The following DLGAP1 variants were observed in gnomAD, a reference collection of about 807,000 sequenced individuals.
The protein encoded by DLGAP1 is DLG associated protein 1.
In DLGAP1, 11 loss-of-function variants were observed where a neutral mutation model predicts 90.8. The observed-to-expected ratio is 0.12, with a 90% confidence interval of 0.08 to 0.20. The LOEUF (loss-of-function observed/expected upper bound fraction) is 0.20. Among genes scored for constraint, DLGAP1 ranks in the 10% least tolerant of loss-of-function variants. The pLI is 1.00. For synonymous variants in DLGAP1, 558 were observed against 540.7 expected (o/e 1.03, Z -0.44); for missense variants, 1,050 against 1,333.8 (o/e 0.79, Z 3.31).
intron 1 of DLGAP1, among the ~76,000 whole-genome samples, chr18:4,353,062 C>A (rs112022528): frequency 6.6e-6 from 1 of 152,146 alleles, no homozygotes. Flanking sequence ...GGGCAACAAC[C>A]CTGGCTCAGC....
chr18:3,788,218 G>C (rs958273410), intron 5 of DLGAP1, among the ~76,000 whole-genome samples: 3 of 152,234 alleles, frequency 2.0e-5, no homozygotes, highest in African/African-American at 7.2e-5. Flanking sequence ...AGTTGGACTA[G>C]TTATAATTCC....
intron 7 of DLGAP1, chr18:3,597,779 A>C: frequency 6.4e-6 from 1 of 157,406 alleles, no homozygotes. Context: ...AAATGCATCC[A>C]CCGTTCCTTC....
chr18:3,800,547 T>C (rs2066239881), intron 5 of DLGAP1, among the ~76,000 whole-genome samples: 1 of 152,224 alleles, frequency 6.6e-6, no homozygotes, highest in Admixed American at 6.5e-5. Flanking sequence ...ACAGTATGTA[T>C]AAAGAAAGTT....
At position 3,879,523 on chromosome 18, in the gene DLGAP1, G is replaced by A; in HGVS notation, c.546C>T (p.Ser182=). The A allele has an allele frequency of 6.2e-7, 1 of 1,602,084 alleles. No individual in the cohort carries two copies. The highest frequency in any genetic ancestry group is 8.5e-7 in the Non-Finnish European group (1 of 1,179,256). Residue 182 remains serine, a synonymous_variant, in exon 4 of 13, where the codon AGC becomes AGT. Transcript: ENST00000315677. This position sits in a 1 kb window ranked among gnomAD's most constrained non-coding sequence, Gnocchi z 6.6. ...GCTCCGCGCGCCGCTCCTTGCTCTT[G>A]CTGCGTTTGCCATAGCGCGCCGCCT... The part of the protein sequence containing the change: ...EAQAARYGKR[S]KSKERRAEPK...
chr18:3,737,895 C>G (rs2062725299), intron 6 of DLGAP1, among the ~76,000 whole-genome samples: 1 of 150,278 alleles, frequency 6.7e-6, no homozygotes, highest in African/African-American at 2.5e-5. Flanking sequence ...AGCCCAAAAT[C>G]TCCTTAAGCT....
rs2062211644 is a variant in DLGAP1, at chr18:3,727,100, T to C, written c.1591+2035A>G. Among the ~76,000 whole-genome samples, 1 of 152,246 alleles carries C rather than the reference T, an allele frequency of 6.6e-6. No homozygotes were observed. The highest frequency in any genetic ancestry group is 1.5e-5 in the Non-Finnish European group (1 of 68,044). On this transcript the variant is annotated intron_variant, in intron 7 of 12. Transcript: ENST00000315677. The surrounding 1 kb of genome is among the most constrained non-coding windows in gnomAD (Gnocchi z 4.7). Reference sequence around the variant, plus strand: ...ACTACAAACATGACAAATAGTTCTGTAGTATAAGTGTTTCTCATGCAATAT... The same window carrying C: ...ACTACAAACATGACAAATAGTTCTGCAGTATAAGTGTTTCTCATGCAATAT...
intron 7 of DLGAP1, among the ~76,000 whole-genome samples, chr18:3,615,946 A>G (rs1378931282): frequency 1.3e-5 from 2 of 152,178 alleles, no homozygotes; most frequent in African/African-American, 2.4e-5. Flanking sequence ...CTTAACTCCG[A>G]GGGATATTTA....
intron 1 of DLGAP1, among the ~76,000 whole-genome samples, chr18:4,258,252 C>CATGAACAAAAGCCCTGCATGATCTTA (rs2078936361): frequency 6.6e-6 from 1 of 152,082 alleles, no homozygotes; most frequent in African/African-American, 2.4e-5. Flanking sequence ...TTGTGTTGCT[C>CATGAACAAAAGCCCTGCATGATCTTA]AGGCTGGTCT....
At chr18:4,011,507 T>C (rs1385804595) in intron 2 of DLGAP1, among the ~76,000 whole-genome samples, 1 of 151,798 alleles carries the variant, frequency 6.6e-6, no homozygotes, top group Non-Finnish European at 1.5e-5. Context: ...AATGTGGCGG[T>C]GGAGAGGGTG....
At chr18:4,266,505 TG>T (rs2079134637) in intron 1 of DLGAP1, among the ~76,000 whole-genome samples, 1 of 152,224 alleles carries the variant, frequency 6.6e-6, no homozygotes, top group Non-Finnish European at 1.5e-5. Context: ...CAGAGCTGAC[TG>T]GGGAGGACCT....
intron 8 of DLGAP1, among the ~76,000 whole-genome samples, chr18:3,581,594 A>G (rs186630359): frequency 1.8e-3 from 276 of 151,488 alleles, no homozygotes; most frequent in Non-Finnish European, 3.0e-3. Context: ...CAGGCAGGCC[A>G]GCCCCTACTC....
chr18:3,514,735 C>G (rs1351658835), intron 10 of DLGAP1, among the ~76,000 whole-genome samples: 1 of 152,074 alleles, frequency 6.6e-6, no homozygotes, highest in Non-Finnish European at 1.5e-5. Flanking sequence ...CAAAAAAGTA[C>G]CTAATACTTT....
At chr18:4,302,923 T>A (rs756163255) in intron 1 of DLGAP1, among the ~76,000 whole-genome samples, 1 of 152,162 alleles carries the variant, frequency 6.6e-6, no homozygotes, top group Non-Finnish European at 1.5e-5. Flanking sequence ...CAGTGTTTAT[T>A]TCTTTTATTT....
intron 10 of DLGAP1, among the ~76,000 whole-genome samples, chr18:3,516,680 G>T (rs899552728): frequency 1.3e-5 from 2 of 152,176 alleles, no homozygotes; most frequent in African/African-American, 4.8e-5. Flanking sequence ...TGAAAGGCAC[G>T]TCTTACATGG....
Position 4,434,893 on chromosome 18 carries a change from A to G in DLGAP1, c.-267+20113T>C, listed in dbSNP as rs116094740. The stretch of plus-strand genomic sequence containing the variant: ...GAGAAACATCATAAAACACCGTGTT[A>G]TTTAGGAAATGACAAACAAGCATAA... On this transcript the variant is annotated intron_variant, in intron 1 of 12. Transcript: ENST00000315677. Among the ~76,000 whole-genome samples, 620 of 152,302 alleles carry G rather than the reference A, an allele frequency of 4.1e-3. 5 individuals carry two copies. Among genetic ancestry groups the G allele is most frequent in the African/African-American group, 0.014 (574 of 41,574 alleles).
Position 3,607,643 on chromosome 18 carries a change from C to T in DLGAP1, c.1592-25395G>A, listed in dbSNP as rs2057385964. The T allele has an allele frequency of 1.3e-5, 2 of 152,190 alleles. 1 individual carries two copies. Among genetic ancestry groups the T allele is most frequent in the South Asian group, 4.1e-4 (2 of 4,832 alleles). The allele number at this position is 152,190 out of a possible 1,614,324, so 9.4% of individuals were successfully genotyped here. ...GCTGCAGCATATTTTATTACCTTCT[C>T]CTGACAATTTCTTATCTGGCTGCTT... is the stretch of plus-strand genomic sequence containing the variant. On this transcript the variant is annotated intron_variant, in intron 7 of 12. Coordinates refer to ENST00000315677, the MANE Select transcript of DLGAP1 (RefSeq NM_004746.4).
At chr18:4,030,193 A>G (rs2074773034) in intron 2 of DLGAP1, among the ~76,000 whole-genome samples, 1 of 152,112 alleles carries the variant, frequency 6.6e-6, no homozygotes, top group African/African-American at 2.4e-5. Context: ...GGGTTTCACC[A>G]TGTTGGTCAG....
chr18:3,831,231 C>T (rs1456415900), intron 4 of DLGAP1, among the ~76,000 whole-genome samples: 1 of 152,152 alleles, frequency 6.6e-6, no homozygotes, highest in Non-Finnish European at 1.5e-5. Flanking sequence ...CTCTACTAGG[C>T]CCAGAGAGAC....
At chr18:3,844,772 C>G (rs2068915085) in intron 4 of DLGAP1, among the ~76,000 whole-genome samples, 1 of 152,166 alleles carries the variant, frequency 6.6e-6, no homozygotes, top group African/African-American at 2.4e-5. Flanking sequence ...ATAACATGTA[C>G]TTAGAAATGA....
Sources: allele counts gnomAD v4.1 joint callset (sites outside exome capture counted in the v4.1 genomes callset), GRCh38; gene constraint gnomAD v4.1.1; non-coding constraint Gnocchi (gnomAD v3.1); transcripts MANE v1.5; gene names NCBI Gene and HGNC (gene_info 2026-07-23, HGNC 2026-07-21).